The following ZDHHC11B variants were observed in gnomAD, a reference collection of about 807,000 sequenced individuals.
ZDHHC11B encodes zDHHC palmitoyltransferase 11B (putative).
A neutral mutation model predicts 42.3 loss-of-function variants in ZDHHC11B; 17 were observed. That is an observed-to-expected ratio of 0.40 (90% CI 0.27 to 0.60). ZDHHC11B has a LOEUF of 0.60. Among genes scored for constraint, ZDHHC11B ranks in the 20% least tolerant of loss-of-function variants. ZDHHC11B has a pLI of 0.41. For synonymous variants in ZDHHC11B, 123 were observed against 193.5 expected (o/e 0.64, Z 3.02); for missense variants, 262 against 463.2 (o/e 0.57, Z 3.99).
In ZDHHC11B at chr5:771,644, G is replaced by T. The variant is rs537463983; in HGVS notation, c.-229-2714C>A. Among the ~76,000 whole-genome samples the T allele has an allele frequency of 2.0e-5, 3 of 151,910 alleles. No homozygotes were observed. The South Asian group carries it at 6.2e-4, about 32-fold the overall frequency. On this transcript the variant is annotated intron_variant, in intron 1 of 13. Transcript: ENST00000508859. ...CAGGAGCTTCTCACAGGCCTGGCCT[G>T]TGTTTCCCCTGGGCCTCTGCAGCAG...
intron 4 of ZDHHC11B, among the ~76,000 whole-genome samples, chr5:765,735 C>T (rs2150216143): frequency 6.6e-6 from 1 of 152,020 alleles, no homozygotes; most frequent in South Asian, 2.1e-4. Context: ...AGCTTCATTC[C>T]TGAACCAGGG....
chr5:732,572 C>A (rs1385853423), intron 11 of ZDHHC11B: 10 of 432,700 alleles, frequency 2.3e-5, no homozygotes, highest in African/African-American at 4.1e-5. Flanking sequence ...TGGACACCAG[C>A]CTCACTGTTC....
intron 13 of ZDHHC11B, among the ~76,000 whole-genome samples, chr5:714,379 C>T (rs1741591979): frequency 6.9e-6 from 1 of 144,754 alleles, no homozygotes; most frequent in African/African-American, 2.7e-5. Flanking sequence ...ACCACAGGCA[C>T]TTTGGAGGGG....
intron 12 of ZDHHC11B, among the ~76,000 whole-genome samples, chr5:728,041 C>G (rs183300265): frequency 6.7e-6 from 1 of 149,990 alleles, no homozygotes; most frequent in East Asian, 1.9e-4. Context: ...ATTACTATCC[C>G]TAATGTGCAA....
At chr5:725,004 C>A (rs1473683352) in intron 12 of ZDHHC11B, among the ~76,000 whole-genome samples, 1 of 149,344 alleles carries the variant, frequency 6.7e-6, no homozygotes, top group Admixed American at 6.7e-5. Context: ...CAGGACCCTT[C>A]CTGTAGATGG....
chr5:744,687 A>G lies in ZDHHC11B; in HGVS notation c.900+496T>C, dbSNP rs868135060. Reference sequence around the variant, plus strand: ...GCCAGAAGTTTGAGACCAGCCTGGCATGTCAAAACCACGTCTCTACTAAAA... The same window carrying G: ...GCCAGAAGTTTGAGACCAGCCTGGCGTGTCAAAACCACGTCTCTACTAAAA... On this transcript the variant is annotated intron_variant, in intron 9 of 13. Transcript: ENST00000508859. 1.6e-4 allele frequency among the ~76,000 whole-genome samples: 24 copies of G among 149,356 alleles called. 1 individual carries two copies. Among genetic ancestry groups the G allele is most frequent in the South Asian group, 1.1e-3 (5 of 4,448 alleles).
At chr5:746,381 G>C (rs923482176) in intron 8 of ZDHHC11B, among the ~76,000 whole-genome samples, 2 of 145,342 alleles carry the variant, frequency 1.4e-5, no homozygotes, top group African/African-American at 4.9e-5. Context: ...GAAGCTCCTG[G>C]ACATCCCGGA....
intron 12 of ZDHHC11B, among the ~76,000 whole-genome samples, chr5:729,206 C>T (rs540991273): frequency 1.5e-4 from 22 of 151,038 alleles, no homozygotes; most frequent in East Asian, 5.8e-4. Context: ...CTTCCCAGCA[C>T]GAGCAGCCTC....
chr5:774,881 TGCCCAC>T (rs1271326710), intron 1 of ZDHHC11B, among the ~76,000 whole-genome samples: 1 of 151,994 alleles, frequency 6.6e-6, no homozygotes, highest in African/African-American at 2.4e-5. Flanking sequence ...CCTTGTTCAC[TGCCCAC>T]GCCCACGCGG....
chr5:777,155 G>T (rs1282278955), intron 1 of ZDHHC11B, among the ~76,000 whole-genome samples: 1 of 151,842 alleles, frequency 6.6e-6, no homozygotes, highest in East Asian at 1.9e-4. Context: ...GTTCAGATGC[G>T]TCTGGAGTTT....
chr5:735,798 C>G (rs1306045736), intron 10 of ZDHHC11B, among the ~76,000 whole-genome samples: 3 of 149,902 alleles, frequency 2.0e-5, no homozygotes, highest in African/African-American at 7.4e-5. Flanking sequence ...GTCAGTCCTA[C>G]AAGAAATACT....
At chr5:773,905 T>C (rs1229944578) in intron 1 of ZDHHC11B, among the ~76,000 whole-genome samples, 2 of 151,850 alleles carry the variant, frequency 1.3e-5, no homozygotes, top group Non-Finnish European at 2.9e-5. Flanking sequence ...CAAGACTGTG[T>C]TGTCCAACTG....
At chr5:771,104 C>T (rs1182247486) in intron 1 of ZDHHC11B, among the ~76,000 whole-genome samples, 1 of 151,878 alleles carries the variant, frequency 6.6e-6, no homozygotes, top group South Asian at 2.1e-4. Context: ...TGGCCTCTGC[C>T]CACAGACACA....
chr5:773,774 C>T lies in ZDHHC11B; in HGVS notation c.-229-4844G>A, dbSNP rs562666036. 7.8e-4 allele frequency among the ~76,000 whole-genome samples: 119 copies of T among 151,852 alleles called. 1 individual carries two copies. The highest frequency in any genetic ancestry group is 2.6e-3 in the African/African-American group (106 of 41,382). On this transcript the variant is annotated intron_variant, in intron 1 of 13. Coordinates refer to ENST00000508859, the MANE Select transcript of ZDHHC11B (RefSeq NM_001351303.2). ...TTGGAGGCTGAGCCCACCCCACTTG[C>T]GCCCCAACCCCCAGGGCCAGGACCT...
chr5:759,451 G>A (rs1417894085), intron 4 of ZDHHC11B, among the ~76,000 whole-genome samples: 1 of 151,960 alleles, frequency 6.6e-6, no homozygotes, highest in East Asian at 1.9e-4. Flanking sequence ...CCATGCTGGT[G>A]AATCTTCCAC....
intron 1 of ZDHHC11B, among the ~76,000 whole-genome samples, chr5:775,926 C>A (rs1186126208): frequency 6.9e-6 from 1 of 145,654 alleles, no homozygotes; most frequent in African/African-American, 2.6e-5. Context: ...GTGACAGGAG[C>A]TGTCCCAGGC....
Position 751,165 on chromosome 5 carries a change from G to C in ZDHHC11B, c.596C>G (p.Pro199Arg). 1 of 1,305,298 alleles carries C rather than the reference G, an allele frequency of 7.7e-7. No homozygotes were observed. The highest frequency in any genetic ancestry group is 1.0e-6 in the Non-Finnish European group (1 of 977,210). 80.9% of individuals were successfully genotyped at this position (1,305,298 alleles called of 1,614,324 possible). Residue 199 changes from proline to arginine, a missense_variant, in exon 7 of 14, where the codon CCC becomes CGC. Coordinates refer to ENST00000508859, the MANE Select transcript of ZDHHC11B (RefSeq NM_001351303.2). ...LYVLVQYLVN[P>R]RVLRTDPRYE... Reference sequence around the variant, plus strand: ...CCTGGGGTCCGTGCGGAGCACCCTGGGGTTCACGAGGTACTGGACGAGGAC... The same window carrying C: ...CCTGGGGTCCGTGCGGAGCACCCTGCGGTTCACGAGGTACTGGACGAGGAC...
intron 4 of ZDHHC11B, among the ~76,000 whole-genome samples, chr5:761,817 C>A (rs1734650579): frequency 3.3e-5 from 1 of 30,734 alleles, no homozygotes; most frequent in African/African-American, 2.6e-4. Context: ...GACAGGGGGA[C>A]ACAAAGTCTT....
intron 12 of ZDHHC11B, among the ~76,000 whole-genome samples, chr5:718,968 T>TGGCTTCCTCCAGCAGC (rs1323443802): frequency 1.3e-5 from 2 of 151,812 alleles, no homozygotes; most frequent in Admixed American, 6.6e-5. Context: ...TTGGCAGCAG[T>TGGCTTCCTCCAGCAGC]GGCTTCCTCC....
Sources: gnomAD v4.1 joint callset for allele counts (sites outside exome capture counted in the v4.1 genomes callset) on GRCh38, gnomAD v4.1.1 for gene constraint, MANE v1.5 for transcripts, NCBI Gene and HGNC (gene_info 2026-07-23, HGNC 2026-07-21) for gene names.